The following MTF2 variants were observed in gnomAD, a reference collection of about 807,000 sequenced individuals.
MTF2 encodes metal response element binding transcription factor 2.
A neutral mutation model predicts 79.5 loss-of-function variants in MTF2; 11 were observed. The observed-to-expected ratio is 0.14, with a 90% CI of 0.09 to 0.23. MTF2 has a LOEUF of 0.23. MTF2 is among the 10% of genes least tolerant of loss of function. The pLI, the probability that MTF2 is intolerant of heterozygous loss-of-function variation, is 1.00. For synonymous variants in MTF2, 208 were observed against 232.8 expected (o/e 0.89, Z 0.97); for missense variants, 486 against 711.2 (o/e 0.68, Z 3.60).
chr1:93,101,709 C>G (rs2101042661), intron 1 of MTF2, among the ~76,000 whole-genome samples: 1 of 150,822 alleles, frequency 6.6e-6, no homozygotes, highest in South Asian at 2.1e-4. Context: ...TCCTAAGTAG[C>G]TGGGACTATA....
At chr1:93,119,221 T>G in intron 7 of MTF2, 112 bp from the exon 8 acceptor site, 1 of 693,000 alleles carries the variant, frequency 1.4e-6, no homozygotes, top group Non-Finnish European at 2.4e-6. Flanking sequence ...TTGTTTTGAG[T>G]ATCAGTCTTT....
chr1:93,108,254 T>C (rs1332005463), intron 1 of MTF2, among the ~76,000 whole-genome samples: 1 of 151,502 alleles, frequency 6.6e-6, no homozygotes, highest in African/African-American at 2.4e-5. Context: ...TATAATTACT[T>C]TTGTTGGTAT....
At position 93,115,495 on chromosome 1, in the gene MTF2, C is replaced by T. The variant is rs778241732; in HGVS notation, c.509C>T (p.Pro170Leu). ...TKRGGALKKG[P>L]NAKALQVMKQ... ...AGGGGTGGTGCACTTAAGAAAGGAC[C>T]AAATGCCAAAGCATTGCAAGTCATG... Residue 170 changes from proline (P) to leucine (L), a missense_variant, in exon 6 of 15, where the codon CCA (proline) becomes CTA (leucine). Physicochemically the swap from Pro to Leu is moderately conservative, Grantham distance 98. Around this residue, in one of 4 missense-constraint regions of MTF2, gnomAD observed 177 missense variants for 364.0 expected, o/e 0.49. Coordinates refer to ENST00000370298, the MANE Select transcript of MTF2 (RefSeq NM_007358.4). 3.1e-6 allele frequency: 5 copies of T among 1,605,936 alleles called. 1 individual carries two copies. In the South Asian group the frequency reaches 5.6e-5, roughly 18 times the overall value.
chr1:93,114,145 A>G (rs944647698), intron 3 of MTF2, among the ~76,000 whole-genome samples: 1 of 152,196 alleles, frequency 6.6e-6, no homozygotes, highest in Non-Finnish European at 1.5e-5. Flanking sequence ...ATATTTTCAG[A>G]TTTCAGAAGC....
intron 14 of MTF2, among the ~76,000 whole-genome samples, chr1:93,135,797 T>C (rs908154052): frequency 1.3e-5 from 2 of 152,148 alleles, no homozygotes; most frequent in African/African-American, 4.8e-5. Flanking sequence ...GGCAACAGAG[T>C]GAGACCTTGT....
intron 9 of MTF2, among the ~76,000 whole-genome samples, chr1:93,126,616 G>GT (rs959660709): frequency 6.6e-6 from 1 of 151,696 alleles, no homozygotes; most frequent in East Asian, 1.9e-4. Context: ...ACAAAATAGG[G>GT]TTTTTTTCTA....
At chr1:93,092,296 A>G (rs765964376) in intron 1 of MTF2, among the ~76,000 whole-genome samples, 1 of 152,132 alleles carries the variant, frequency 6.6e-6, no homozygotes, top group Non-Finnish European at 1.5e-5. Context: ...AAACACTACC[A>G]TAGATGTTGA....
chr1:93,136,480 G>C (rs559973917), intron 14 of MTF2, among the ~76,000 whole-genome samples, 190 bp from the exon 15 acceptor site: 1 of 152,158 alleles, frequency 6.6e-6, no homozygotes, highest in Non-Finnish European at 1.5e-5. Flanking sequence ...CTCCAAGAAC[G>C]TGACAAAATC....
chr1:93,095,803 A>G (rs532932437), intron 1 of MTF2, among the ~76,000 whole-genome samples: 1 of 151,450 alleles, frequency 6.6e-6, no homozygotes, highest in Non-Finnish European at 1.5e-5. Flanking sequence ...CTACAGGTGC[A>G]TGCCACCACA....
chr1:93,103,192 T>C (rs1195507846), intron 1 of MTF2, among the ~76,000 whole-genome samples: 1 of 151,904 alleles, frequency 6.6e-6, no homozygotes, highest in Non-Finnish European at 1.5e-5. Context: ...ATACTTGTTT[T>C]GTCTACGTTT....
At chr1:93,094,329 G>A (rs1355935881) in intron 1 of MTF2, among the ~76,000 whole-genome samples, 2 of 152,130 alleles carry the variant, frequency 1.3e-5, no homozygotes, top group East Asian at 3.9e-4. Context: ...AACATTGCCA[G>A]CTAACCCAGA....
intron 1 of MTF2, among the ~76,000 whole-genome samples, chr1:93,106,380 T>G (rs1251042651): frequency 6.6e-6 from 1 of 152,204 alleles, no homozygotes; most frequent in Non-Finnish European, 1.5e-5. Context: ...TTTGGAATTC[T>G]AGGTCTTAAC....
intron 8 of MTF2, chr1:93,119,963 C>T (rs1482042936): frequency 6.6e-6 from 1 of 152,160 alleles, no homozygotes; most frequent in African/African-American, 2.4e-5. Context: ...TTTTTTAAAG[C>T]CAGACCCTCT....
chr1:93,134,172 G>A lies in MTF2; in HGVS notation c.1401G>A (p.Ser467=), dbSNP rs376962061. The A allele has an allele frequency of 8.1e-6, 13 of 1,610,958 alleles. No homozygotes were observed. Among genetic ancestry groups the A allele is most frequent in the African/African-American group, 1.3e-5 (1 of 74,834 alleles). Residue 467 remains serine (S), a synonymous_variant, in exon 14 of 15, where the codon TCG becomes TCA. Transcript: ENST00000370298. The stretch of plus-strand genomic sequence containing the variant: ...CTTCCAGTGCAAAAGAAACTACCTC[G>A]TCTAGCATTTCCAGGCATTATGGGT... The part of the protein sequence containing the change: ...TGASSAKETT[S]SSISRHYGLS...
intron 1 of MTF2, among the ~76,000 whole-genome samples, chr1:93,103,690 TA>T (rs1655644848): frequency 2.0e-5 from 3 of 151,886 alleles, no homozygotes; most frequent in Admixed American, 1.3e-4. Context: ...TAATAAATTC[TA>T]AAATTAGAAA....
At chr1:93,126,214 GA>G (rs1656691666) in intron 9 of MTF2, among the ~76,000 whole-genome samples, 1 of 151,800 alleles carries the variant, frequency 6.6e-6, no homozygotes, top group Admixed American at 6.6e-5. Context: ...AGTGAGTGTA[GA>G]ATGAATGGGC....
intron 1 of MTF2, among the ~76,000 whole-genome samples, chr1:93,104,250 CTCTATTAATGCAGTTT>C (rs1655667040): frequency 6.6e-6 from 1 of 151,838 alleles, no homozygotes; most frequent in South Asian, 2.1e-4. Flanking sequence ...CAAATGATCT[CTCTATTAATGCAGTTT>C]TATATAGGAT....
In MTF2 at chr1:93,131,919, T is replaced by A. The variant is rs1373959693; in HGVS notation, c.1161-1784T>A. ...CTGTTGTAGATTGGGCAGTTGGAAA[T>A]TGACCGAAGTTCTTGCCTGGTAGCC... is the stretch of plus-strand genomic sequence containing the variant. On this transcript the variant is annotated intron_variant, in intron 11 of 14. Transcript: ENST00000370298. Among the ~76,000 whole-genome samples the A allele has an allele frequency of 2.6e-5, 4 of 152,170 alleles. No individual in the cohort carries two copies. In the South Asian group the frequency reaches 6.2e-4, roughly 24 times the overall value.
intron 9 of MTF2, among the ~76,000 whole-genome samples, chr1:93,126,158 GT>G (rs36038463): frequency 0.62 from 92,372 of 149,012 alleles, 32,646 homozygotes; most frequent in East Asian, 0.93. Context: ...TATTTAACAT[GT>G]TTTTTTTTTT....
Sources: gnomAD v4.1 joint callset for allele counts (sites outside exome capture counted in the v4.1 genomes callset) on GRCh38, gnomAD v4.1.1 for gene constraint, gnomAD v4.1.1 regional missense constraint, MANE v1.5 for transcripts, NCBI Gene and HGNC (gene_info 2026-07-23, HGNC 2026-07-21) for gene names.